Variants in ARID1B observed in about 807,000 individuals in gnomAD.
ARID1B encodes AT-rich interactive domain-containing protein 1B.
In ARID1B, 30 loss-of-function variants were observed where a neutral mutation model predicts 212.3. That is an observed-to-expected ratio of 0.14 (90% CI 0.11 to 0.19). ARID1B has a LOEUF of 0.19. Among genes scored for constraint, ARID1B ranks in the 10% least tolerant of loss-of-function variants. The pLI is 1.00. For synonymous variants in ARID1B, 1,402 were observed against 1,301.7 expected, an observed-to-expected ratio of 1.08 and a Z score of -1.66; for missense variants, 2,891 against 3,204.0, an observed-to-expected ratio of 0.90 and a Z score of 2.36.
At chr6:157,106,097 T>TA (rs1021286612) in intron 5 of ARID1B, among the ~76,000 whole-genome samples, 1 of 151,856 alleles carries the variant, frequency 6.6e-6, no homozygotes. Flanking sequence ...AATACAAAAA[T>TA]ACATCCACAA....
intron 4 of ARID1B, chr6:156,941,891 A>G (rs1241488351): frequency 1.3e-5 from 2 of 152,224 alleles, no homozygotes; most frequent in Non-Finnish European, 2.9e-5. Context: ...TTTGTGTGCA[A>G]AGTGTTTCTA....
At chr6:157,050,895 ATTCT>A (rs1236406392) in intron 4 of ARID1B, among the ~76,000 whole-genome samples, 7 of 152,238 alleles carry the variant, frequency 4.6e-5, no homozygotes, top group Non-Finnish European at 1.0e-4. Context: ...ACATGTATGC[ATTCT>A]TTCCTTTTAC....
intron 4 of ARID1B, among the ~76,000 whole-genome samples, chr6:157,076,313 TTTG>T (rs1363600847): frequency 7.4e-6 from 1 of 134,758 alleles, no homozygotes; most frequent in Non-Finnish European, 1.6e-5. Flanking sequence ...GTTTGTTTGT[TTTG>T]TTTTTTTTTC....
At chr6:157,123,145 G>A (rs921437768) in intron 6 of ARID1B, among the ~76,000 whole-genome samples, 3 of 151,890 alleles carry the variant, frequency 2.0e-5, no homozygotes, top group African/African-American at 7.3e-5. Context: ...CACATTGAGA[G>A]TCTATTCAGA....
At chr6:156,808,184 A>AC (rs1781312795) in intron 1 of ARID1B, among the ~76,000 whole-genome samples, 1 of 152,230 alleles carries the variant, frequency 6.6e-6, no homozygotes, top group African/African-American at 2.4e-5. Flanking sequence ...AGCGTTTCCT[A>AC]TTTGGAAGAC....
Position 157,201,421 on chromosome 6 carries a change from T to G in ARID1B, c.5196T>G (p.Pro1732=). ...PPPIRREITF[P]PGSVEASQPV... ...CAATCAGAAGGGAGATCACCTTTCC[T>G]CCTGGCTCAGTAGAAGCATCACAAC... Residue 1732 remains proline (P), a synonymous_variant, in exon 18 of 20, where the codon CCT becomes CCG. Transcript: ENST00000636930. The surrounding 1 kb of genome is among the most constrained non-coding windows in gnomAD (Gnocchi z 5.2). 6.4e-7 allele frequency: 1 copy of G among 1,566,328 alleles called. No homozygotes were observed. The highest frequency in any genetic ancestry group is 1.2e-5 in the South Asian group (1 of 84,494).
At chr6:156,808,096 C>A (rs1210762904) in intron 1 of ARID1B, among the ~76,000 whole-genome samples, 1 of 152,096 alleles carries the variant, frequency 6.6e-6, no homozygotes, top group Non-Finnish European at 1.5e-5. Flanking sequence ...CTATTGTATC[C>A]CAAAGCAGAA....
intron 3 of ARID1B, among the ~76,000 whole-genome samples, chr6:156,913,193 C>T (rs1282964275): frequency 6.7e-6 from 1 of 149,974 alleles, no homozygotes; most frequent in Non-Finnish European, 1.5e-5. Flanking sequence ...GAACGCTTTA[C>T]ATCCACTCAA....
chr6:157,186,539 C>T (rs1792990056), intron 13 of ARID1B: 1 of 471,140 alleles, frequency 2.1e-6, no homozygotes, highest in South Asian at 1.5e-5. Flanking sequence ...AGCAGGTGGC[C>T]TCTCCGATTC....
intron 4 of ARID1B, among the ~76,000 whole-genome samples, chr6:157,012,147 T>G (rs1779651033): frequency 1.3e-5 from 2 of 152,212 alleles, no homozygotes; most frequent in Admixed American, 1.3e-4. Context: ...AAAATTCTTC[T>G]GAAAGAACTG....
intron 4 of ARID1B, among the ~76,000 whole-genome samples, chr6:156,952,185 GTAA>G (rs1243031639): frequency 6.6e-6 from 1 of 152,176 alleles, no homozygotes; most frequent in Non-Finnish European, 1.5e-5. Flanking sequence ...AGTGACATTT[GTAA>G]TTTAGCTTGT....
At chr6:157,044,284 A>G (rs1782078720) in intron 4 of ARID1B, among the ~76,000 whole-genome samples, 1 of 152,230 alleles carries the variant, frequency 6.6e-6, no homozygotes, top group Admixed American at 6.5e-5. Flanking sequence ...TTTTTAAAAT[A>G]AGGTATTTTC....
chr6:156,813,655 C>G (rs1781767045), intron 1 of ARID1B, among the ~76,000 whole-genome samples: 1 of 152,114 alleles, frequency 6.6e-6, no homozygotes. Context: ...TTTTAAATGA[C>G]AGGGTTAAAC....
At chr6:157,069,551 CCT>C (rs1210723707) in intron 4 of ARID1B, among the ~76,000 whole-genome samples, 1 of 152,202 alleles carries the variant, frequency 6.6e-6, no homozygotes, top group Non-Finnish European at 1.5e-5. Flanking sequence ...TAAAGTGAGG[CCT>C]CTCTCAGTTT....
chr6:157,183,289 C>T (rs896867491), intron 12 of ARID1B, among the ~76,000 whole-genome samples: 13 of 152,036 alleles, frequency 8.6e-5, no homozygotes, highest in African/African-American at 1.2e-4. Flanking sequence ...TGGGCATCTC[C>T]GGGAGCATCC....
intron 2 of ARID1B, among the ~76,000 whole-genome samples, chr6:156,864,690 T>G (rs2128133552): frequency 6.6e-6 from 1 of 152,238 alleles, no homozygotes; most frequent in East Asian, 1.9e-4. Context: ...TCCTTGAAGT[T>G]TTAGGCTTTG....
chr6:157,064,016 G>T (rs1442196637), intron 4 of ARID1B, among the ~76,000 whole-genome samples: 1 of 152,236 alleles, frequency 6.6e-6, no homozygotes, highest in African/African-American at 2.4e-5. Context: ...AGAACATGGG[G>T]TGGTTAAATA....
chr6:157,174,718 TTATATATATATA>T (rs1214659659), intron 10 of ARID1B, 117 bp from the exon 11 acceptor site: 1 of 249,760 alleles, frequency 4.0e-6, no homozygotes, highest in Non-Finnish European at 7.1e-6. Context: ...GTACATGTCT[TTATATATATATA>T]TATATATATA....
intron 4 of ARID1B, among the ~76,000 whole-genome samples, chr6:157,079,188 A>AT (rs935349859): frequency 1.2e-4 from 19 of 152,188 alleles, no homozygotes; most frequent in Admixed American, 1.0e-3. Flanking sequence ...TGCTTGGCAG[A>AT]TTTTTTTTCC....
Sources: allele counts gnomAD v4.1 joint callset (sites outside exome capture counted in the v4.1 genomes callset), GRCh38; gene constraint gnomAD v4.1.1; non-coding constraint Gnocchi (gnomAD v3.1); transcripts MANE v1.5; gene names NCBI Gene and HGNC (gene_info 2026-07-23, HGNC 2026-07-21).